MUC17: variants seen among roughly 807,000 people sequenced by gnomAD.
MUC17 encodes mucin-17.
MUC17 carries 190 observed loss-of-function variants against 170.3 expected under a neutral mutation model. That is an observed-to-expected ratio of 1.12 (90% confidence interval 0.99 to 1.26). The LOEUF (loss-of-function observed/expected upper bound fraction) is 1.26, where lower values mean the gene tolerates loss of function less well. MUC17 is among the 50% of genes most tolerant of loss of function. MUC17 has a pLI of 0.00. For missense variants in MUC17, 6,415 were observed against 5,530.0 expected (o/e 1.16, Z -5.08); for synonymous variants, 2,325 against 2,002.5 (o/e 1.16, Z -4.30).
chr7:101,031,258 G>A, intron 2 of MUC17, 37 bp downstream of exon 2: 2 of 1,594,190 alleles, frequency 1.3e-6, no homozygotes, highest in Non-Finnish European at 1.7e-6. Flanking sequence ...CTGGGAAGGT[G>A]GCTCACCTGC....
At position 101,042,903 on chromosome 7, in the gene MUC17, T is replaced by C. The variant is rs1262141187; in HGVS notation, c.11487T>C (p.Pro3829=). 1 of 1,614,086 alleles carries C rather than the reference T, an allele frequency of 6.2e-7. No homozygotes were observed. Among genetic ancestry groups the C allele is most frequent in the South Asian group, 1.1e-5 (1 of 91,072 alleles). ...TCAGCCCTATATCTGTGATGAGTCC[T>C]TCTGAGGCCAGCACACTTTCAACAC... ...VLISPISVMS[P]SEASTLSTPP... Residue 3829 remains proline (P), a synonymous_variant, in exon 3 of 13, where the codon CCT becomes CCC. Transcript: ENST00000306151.
In MUC17 at chr7:101,039,636, C is replaced by T; in HGVS notation, c.8220C>T (p.Ser2740=). ...CTCCTACAACTGCTGAAGGTACCAG[C>T]ATGCGAATCTCAACTCCTAGTGATG... The part of the protein sequence containing the change: ...SSSPTTAEGT[S]MRISTPSDGS... Residue 2740 remains serine (S), a synonymous_variant, in exon 3 of 13, where the codon AGC becomes AGT. Transcript: ENST00000306151. 1.9e-6 allele frequency: 3 copies of T among 1,612,852 alleles called. No individual in the cohort carries two copies. Among genetic ancestry groups the T allele is most frequent in the Non-Finnish European group, 2.5e-6 (3 of 1,179,656 alleles).
In MUC17 at chr7:101,047,080, C is replaced by A. The variant is rs796234184; in HGVS notation, c.12404-904C>A. On this transcript the variant is annotated intron_variant, in intron 3 of 12. Transcript: ENST00000306151. The stretch of plus-strand genomic sequence containing the variant: ...CGGGCGACAGAGCAAGACTCCGTCT[C>A]AAAAAAAAAAAATTAAAATAAATAA... Among the ~76,000 whole-genome samples, 465 of 103,198 alleles carry A rather than the reference C, an allele frequency of 4.5e-3. 2 individuals carry two copies. The highest frequency in any genetic ancestry group is 0.016 in the African/African-American group (414 of 25,464). The allele number at this position is 103,198 out of a possible 152,430, so 67.7% of individuals were successfully genotyped here.
Position 101,037,960 on chromosome 7 carries a change from T to A in MUC17, c.6544T>A (p.Ser2182Thr). 1.9e-6 allele frequency: 3 copies of A among 1,612,692 alleles called. No individual in the cohort carries two copies. Among genetic ancestry groups the A allele is most frequent in the Non-Finnish European group, 2.5e-6 (3 of 1,178,998 alleles). ...GGCCAGTTCTGCAATCAGCACCCTT[T>A]CAACAACTCCTGTTGACACCAGCAC... ...VVASSAISTL[S>T]TTPVDTSTPV... The change falls in exon 3 of 13, where the codon TCA (serine) becomes ACA (threonine). Residue 2182 changes from serine to threonine, a missense_variant. Transcript: ENST00000306151.
rs762132203 is a variant in MUC17, at chr7:101,034,037, C to T, written c.2621C>T (p.Thr874Ile). 3.6e-5 allele frequency: 58 copies of T among 1,601,700 alleles called. 1 individual carries two copies. The South Asian group carries it at 5.8e-4, about 16-fold the overall frequency. ...RTPLTSMPVS[T>I]TLVATSAIST... ...CCTTTAACAAGTATGCCTGTCAGCA[C>T]CACACTGGTGGCCACTTCTGCAATC... Residue 874 changes from threonine to isoleucine, a missense_variant, in exon 3 of 13, where the codon ACC (threonine) becomes ATC (isoleucine). Transcript: ENST00000306151.
In MUC17 at chr7:101,043,025, G is replaced by T; in HGVS notation, c.11609G>T (p.Ser3870Ile). Residue 3870 changes from serine to isoleucine, a missense_variant, in exon 3 of 13, where the codon AGT becomes ATT. Ser to Ile is a moderately radical substitution (Grantham distance 142). Transcript: ENST00000306151. ...EVTTIRISIT[S>I]ERSTPLTTLL... ...ACTACCATACGTATTTCAATTACCA[G>T]TGAAAGAAGCACTCCATTAACAACT... is the stretch of plus-strand genomic sequence containing the variant. 1 of 1,614,128 alleles carries T rather than the reference G, an allele frequency of 6.2e-7. No individual in the cohort carries two copies.
In MUC17 at chr7:101,058,149, G is replaced by GT; in HGVS notation, c.*106dup. 4 of 1,035,480 alleles carry GT rather than the reference G, an allele frequency of 3.9e-6. No homozygotes were observed. The highest frequency in any genetic ancestry group is 6.0e-6 in the Non-Finnish European group (4 of 663,672). 64.1% of individuals were successfully genotyped at this position (1,035,480 alleles called of 1,614,324 possible). On this transcript the variant is annotated 3_prime_UTR_variant, in exon 13 of 13. Transcript: ENST00000306151. ...TCCATGGGAACTCAATGTTCCCATT[G>GT]TAAGTACAGGAAACAAGCCCTGTAC...
At chr7:101,053,622 A>G in intron 11 of MUC17, 186 bp downstream of exon 11, 1 of 499,898 alleles carries the variant, frequency 2.0e-6, no homozygotes, top group Non-Finnish European at 3.5e-6. Flanking sequence ...AAAATAAAAA[A>G]TAAAAATAAA....
intron 11 of MUC17, among the ~76,000 whole-genome samples, chr7:101,054,057 CAAAAAAAAAAAAAAAAAAAAAAA>C (rs58623975): frequency 2.5e-5 from 1 of 40,382 alleles, no homozygotes; most frequent in Non-Finnish European, 4.3e-5. Context: ...AAGACCCTGT[CAAAAAAAAAAAAAAAAAAAAAAA>C]AAAAAAAAAA....
At position 101,043,171 on chromosome 7, in the gene MUC17, C is replaced by A. The variant is rs865774883; in HGVS notation, c.11755C>A (p.Pro3919Thr). The A allele has an allele frequency of 1.9e-6, 3 of 1,614,034 alleles. No homozygotes were observed. The African/African-American group carries it at 4.0e-5, about 22-fold the overall frequency. ...STDTASTPTI[P>T]VATTISVSVI... ...TGACACTGCCTCAACTCCCACAATT[C>A]CTGTAGCCACCACCATATCTGTATC... The change falls in exon 3 of 13, where the codon CCT (proline) becomes ACT (threonine). Residue 3919 changes from proline (P) to threonine (T), a missense_variant. By Grantham distance (38) the Pro-to-Thr change is conservative. Coordinates refer to ENST00000306151, the MANE Select transcript of MUC17 (RefSeq NM_001040105.2).
Position 101,051,633 on chromosome 7 carries a change from A to G in MUC17, c.12895A>G (p.Thr4299Ala). 6.2e-7 allele frequency: 1 copy of G among 1,612,866 alleles called. No individual in the cohort carries two copies. The highest frequency in any genetic ancestry group is 8.5e-7 in the Non-Finnish European group (1 of 1,179,692). Residue 4299 changes from threonine (T) to alanine (A), a missense_variant, in exon 8 of 13, where the codon ACT (threonine) becomes GCT (alanine). By Grantham distance (58) the Thr-to-Ala change is moderately conservative (BLOSUM62 0). Coordinates refer to ENST00000306151, the MANE Select transcript of MUC17 (RefSeq NM_001040105.2). ...CACAGACATGATGTGTTTCAACACC[A>G]CTGGCACCCAAGTGCAAAACATTAC... is the stretch of plus-strand genomic sequence containing the variant. ...ICSDMMCFNT[T>A]GTQVQNITVT...
At chr7:101,020,405 CA>C (rs1358753084) in intron 1 of MUC17, among the ~76,000 whole-genome samples, 188 bp downstream of exon 1, 3 of 152,132 alleles carry the variant, frequency 2.0e-5, no homozygotes, top group Non-Finnish European at 4.4e-5. Flanking sequence ...GGGGAAGAGC[CA>C]GGGCATTGGA....
In MUC17 at chr7:101,042,196, A is replaced by T. The variant is rs763285393; in HGVS notation, c.10780A>T (p.Ser3594Cys). ...SSTYVTSSEASTPSTPSVDRS... is the reference protein window; with the variant it reads ...SSTYVTSSEACTPSTPSVDRS... ...CACATATGTGACCAGTTCTGAGGCTAGCACACCTTCCACTCCTTCTGTTGA... is the reference window on the plus strand; with the variant it reads ...CACATATGTGACCAGTTCTGAGGCTTGCACACCTTCCACTCCTTCTGTTGA... Residue 3594 changes from serine (S) to cysteine (C), a missense_variant, in exon 3 of 13, where the codon AGC becomes TGC. Ser to Cys is a moderately radical substitution (Grantham distance 112). Transcript: ENST00000306151. 2.0e-5 allele frequency: 32 copies of T among 1,614,182 alleles called. No homozygotes were observed. Among genetic ancestry groups the T allele is most frequent in the Non-Finnish European group, 2.6e-5 (31 of 1,180,028 alleles).
rs754413687 is a variant in MUC17 at position 101,043,578 on chromosome 7, G to A, written c.12162G>A (p.Pro4054=). Residue 4054 remains proline (P), a synonymous_variant, in exon 3 of 13, where the codon CCG becomes CCA. Transcript: ENST00000306151. The stretch of plus-strand genomic sequence containing the variant: ...CCCCTTCATCAGAATCCAGCAGGCC[G>A]TCAACAATTACTTCTCACACCATCC... ...PVTPSSESSR[P]STITSHTIPP... is the part of the protein sequence containing the mutation. 6.1e-5 allele frequency: 99 copies of A among 1,613,978 alleles called. No individual in the cohort carries two copies. The highest frequency in any genetic ancestry group is 2.8e-4 in the Admixed American group (17 of 59,992).
rs201992556 is a variant in MUC17 at position 101,033,579 on chromosome 7, T to C, written c.2163T>C (p.Thr721=). 1.2e-6 allele frequency: 2 copies of C among 1,613,912 alleles called. No homozygotes were observed. The highest frequency in any genetic ancestry group is 2.2e-5 in the East Asian group (1 of 44,840). The change falls in exon 3 of 13, where the codon ACT becomes ACC. Residue 721 remains threonine, a synonymous_variant. Transcript: ENST00000306151. ...TTGACACCAGCACACCTGTGACCAC[T>C]TCAACTGAAGCCAGTTCCTCTCCTA... ...TPVDTSTPVT[T]STEASSSPTT...
Position 101,032,605 on chromosome 7 carries a change from A to T in MUC17, c.1189A>T (p.Asn397Tyr). 6.2e-7 allele frequency: 1 copy of T among 1,613,962 alleles called. No homozygotes were observed. The highest frequency in any genetic ancestry group is 8.5e-7 in the Non-Finnish European group (1 of 1,179,976). The change falls in exon 3 of 13, where the codon AAT becomes TAT. Residue 397 changes from asparagine to tyrosine, a missense_variant. Asn to Tyr is a moderately radical substitution (Grantham distance 143). Transcript: ENST00000306151. ...TLSEGSTPLT[N>Y]MPVSTILVAS... is the part of the protein sequence containing the mutation. ...TAGTGAAGGAAGCACTCCATTAACA[A>T]ATATGCCTGTCAGCACCATATTGGT...
rs538960135 is a variant in MUC17 at position 101,041,934 on chromosome 7, C to A, written c.10518C>A (p.Ser3506Arg). Residue 3506 changes from serine to arginine, a missense_variant, in exon 3 of 13, where the codon AGC becomes AGA. By Grantham distance (110) the Ser-to-Arg change is moderately radical. Transcript: ENST00000306151. ...NSSPTTAEVTSMPTSTAGEGS... is the reference protein window; with the variant it reads ...NSSPTTAEVTRMPTSTAGEGS... ...CTCCTACAACTGCTGAAGTTACCAGCATGCCAACATCAACTGCTGGTGAAG... is the reference window on the plus strand; with the variant it reads ...CTCCTACAACTGCTGAAGTTACCAGAATGCCAACATCAACTGCTGGTGAAG... The A allele has an allele frequency of 3.7e-6, 6 of 1,613,088 alleles. No individual in the cohort carries two copies. In the African/African-American group the frequency reaches 8.1e-5, roughly 22 times the overall value.
chr7:101,030,599 C>T (rs570106100), intron 1 of MUC17, among the ~76,000 whole-genome samples: 218 of 152,026 alleles, frequency 1.4e-3, no homozygotes, highest in Non-Finnish European at 2.7e-3. Flanking sequence ...GACAAGGTCT[C>T]ACTCTGTCAC....
Position 101,034,907 on chromosome 7 carries a change from G to T in MUC17, c.3491G>T (p.Ser1164Ile). The T allele has an allele frequency of 1.2e-6, 2 of 1,613,464 alleles. No individual in the cohort carries two copies. Among genetic ancestry groups the T allele is most frequent in the African/African-American group, 1.3e-5 (1 of 74,896 alleles). The change falls in exon 3 of 13, where the codon AGT (serine) becomes ATT (isoleucine). Residue 1164 changes from serine to isoleucine, a missense_variant. Ser to Ile is a moderately radical substitution (Grantham distance 142). Coordinates refer to ENST00000306151, the MANE Select transcript of MUC17 (RefSeq NM_001040105.2). ...AGTGAAGGAACCACTCCGTTAGCAAGTATGCCTGTCAGCACCACGCTGGTG... is the reference window on the plus strand; with the variant it reads ...AGTGAAGGAACCACTCCGTTAGCAATTATGCCTGTCAGCACCACGCTGGTG... ...PPSEGTTPLA[S>I]MPVSTTLVVS... is the part of the protein sequence containing the mutation.
Sources: allele counts gnomAD v4.1 joint callset (sites outside exome capture counted in the v4.1 genomes callset), GRCh38; gene constraint gnomAD v4.1.1; transcripts MANE v1.5; gene names NCBI Gene and HGNC (gene_info 2026-07-23, HGNC 2026-07-21).